Variants in GPHN observed in about 807,000 individuals in gnomAD.
GPHN encodes the protein gephyrin.
Under a neutral mutation model 95.5 loss-of-function variants are expected in GPHN, and 17 were observed. That is an observed-to-expected ratio of 0.18 (90% CI 0.12 to 0.27). The LOEUF is 0.27. GPHN is among the 10% of genes least tolerant of loss of function. The probability of loss-of-function intolerance (pLI) is 1.00; values close to 1 mark genes in which losing one functional copy is unlikely to be tolerated. For missense variants in GPHN, 660 were observed against 978.1 expected, an observed-to-expected ratio of 0.67 and a Z score of 4.34; for synonymous variants, 320 against 322.5, an observed-to-expected ratio of 0.99 and a Z score of 0.08.
At chr14:67,199,175 A>G in the GPHN span, 81 of 1,603,550 alleles carry the variant, frequency 5.1e-5, no homozygotes, top group Non-Finnish European at 6.7e-5. Context: ...AGGCTGGACC[A>G]GTAGTCAACA....
At chr14:67,320,457 C>A in the GPHN span, 2 of 1,443,800 alleles carry the variant, frequency 1.4e-6, no homozygotes, top group South Asian at 3.1e-5. Context: ...CAGAACCTAA[C>A]TATATCATGT....
chr14:67,067,777 C>A (rs1336429762), intron 11 of GPHN, among the ~76,000 whole-genome samples: 1 of 152,210 alleles, frequency 6.6e-6, no homozygotes, highest in Non-Finnish European at 1.5e-5. Context: ...GGGAGAGAAT[C>A]TCCTGGTCTG....
At chr14:66,952,621 G>A (rs1162034531) in intron 8 of GPHN, among the ~76,000 whole-genome samples, 3 of 152,178 alleles carry the variant, frequency 2.0e-5, no homozygotes, top group African/African-American at 7.2e-5. Context: ...CCATAGAGCT[G>A]CATCATTTTA....
chr14:67,097,891 CATATAA>C (rs2077479835), intron 12 of GPHN, among the ~76,000 whole-genome samples: 1 of 152,004 alleles, frequency 6.6e-6, no homozygotes, highest in Non-Finnish European at 1.5e-5. Context: ...ATATACAGTA[CATATAA>C]ATATACATAC....
chr14:67,463,355 T>G, the GPHN span, among the ~76,000 whole-genome samples: 1 of 152,012 alleles, frequency 6.6e-6, no homozygotes. Flanking sequence ...AGATGTTTGC[T>G]GGAGCTGGGC....
chr14:67,483,677 G>A, the GPHN span, among the ~76,000 whole-genome samples: 10 of 152,190 alleles, frequency 6.6e-5, no homozygotes, highest in African/African-American at 1.2e-4. Context: ...CAAGGCATGC[G>A]CCATTCAAAG....
intron 2 of GPHN, among the ~76,000 whole-genome samples, chr14:66,714,013 C>A (rs1470521274): frequency 1.3e-5 from 2 of 152,172 alleles, no homozygotes; most frequent in African/African-American, 4.8e-5. Context: ...AAGTGATCTG[C>A]CCGCCTTGGC....
chr14:66,664,585 A>G (rs1027228266), intron 1 of GPHN, among the ~76,000 whole-genome samples: 3 of 152,136 alleles, frequency 2.0e-5, no homozygotes, highest in African/African-American at 7.2e-5. Context: ...AGAAAATCAA[A>G]ATCAAACAAA....
At chr14:67,452,453 T>C in the GPHN span, among the ~76,000 whole-genome samples, 21 of 152,184 alleles carry the variant, frequency 1.4e-4, no homozygotes, top group African/African-American at 5.1e-4. Flanking sequence ...CCCAGCCATA[T>C]GGAACTGTAA....
chr14:66,772,866 T>C (rs1307851943), intron 2 of GPHN, among the ~76,000 whole-genome samples: 1 of 152,222 alleles, frequency 6.6e-6, no homozygotes, highest in Non-Finnish European at 1.5e-5. Flanking sequence ...GTCCCCTTGG[T>C]ATGTGTACAA....
intron 1 of GPHN, among the ~76,000 whole-genome samples, chr14:66,516,449 A>G (rs779238649): frequency 1.3e-5 from 2 of 152,104 alleles, no homozygotes; most frequent in Non-Finnish European, 2.9e-5. Context: ...CTAATCTACT[A>G]TATCCTTGGG....
intron 2 of GPHN, among the ~76,000 whole-genome samples, chr14:66,735,901 T>C (rs2072218977): frequency 6.6e-6 from 1 of 152,176 alleles, no homozygotes; most frequent in Non-Finnish European, 1.5e-5. Flanking sequence ...TCTTGTTTAA[T>C]ACTTATAGCA....
intron 9 of GPHN, among the ~76,000 whole-genome samples, chr14:66,995,514 T>C (rs2071724384): frequency 6.6e-6 from 1 of 152,182 alleles, no homozygotes; most frequent in South Asian, 2.1e-4. Context: ...GAATGTTATT[T>C]CATAAGTTCA....
intron 12 of GPHN, among the ~76,000 whole-genome samples, chr14:67,097,895 TAA>T (rs2077480388): frequency 2.6e-5 from 4 of 152,116 alleles, no homozygotes; most frequent in Admixed American, 6.5e-5. Flanking sequence ...ACAGTACATA[TAA>T]ATATACATAC....
At chr14:67,009,005 T>G (rs2072799150) in intron 9 of GPHN, among the ~76,000 whole-genome samples, 2 of 152,178 alleles carry the variant, frequency 1.3e-5, no homozygotes, top group South Asian at 4.1e-4. Flanking sequence ...AGAAGAATAA[T>G]CTAAGAATCC....
chr14:66,631,817 G>T (rs998073650), intron 1 of GPHN, among the ~76,000 whole-genome samples: 1 of 151,986 alleles, frequency 6.6e-6, no homozygotes, highest in South Asian at 2.1e-4. Context: ...TCCCACTAAA[G>T]AATCTTCATT....
intron 1 of GPHN, among the ~76,000 whole-genome samples, chr14:66,592,605 C>A (rs12175440): frequency 2.0e-5 from 3 of 152,128 alleles, no homozygotes; most frequent in Admixed American, 6.5e-5. Flanking sequence ...AATGTGATAC[C>A]ATCTCATGCC....
chr14:67,398,874 G>T, the GPHN span, among the ~76,000 whole-genome samples: 1 of 152,140 alleles, frequency 6.6e-6, no homozygotes, highest in Non-Finnish European at 1.5e-5. Context: ...GTTTTGTTTG[G>T]CCTTGCTGAA....
chr14:66,627,209 T>C (rs1055157064), intron 1 of GPHN, among the ~76,000 whole-genome samples: 1 of 152,022 alleles, frequency 6.6e-6, no homozygotes, highest in African/African-American at 2.4e-5. Flanking sequence ...CATTCACCTT[T>C]ATCATTCTCT....
Sources: allele counts gnomAD v4.1 joint callset (sites outside exome capture counted in the v4.1 genomes callset), GRCh38; gene constraint gnomAD v4.1.1; transcripts MANE v1.5; gene names NCBI Gene and HGNC (gene_info 2026-07-23, HGNC 2026-07-21).